The following PTPRG variants were observed in gnomAD, a reference collection of about 807,000 sequenced individuals.
PTPRG encodes the protein receptor-type tyrosine-protein phosphatase gamma.
PTPRG carries 102 observed loss-of-function variants against 165.3 expected under a neutral mutation model. The observed-to-expected ratio is 0.62, with a 90% CI of 0.53 to 0.73. The LOEUF (loss-of-function observed/expected upper bound fraction) is 0.73, where lower values mean the gene tolerates loss of function less well. PTPRG is among the 30% of genes least tolerant of loss of function. The pLI is 0.00. For missense variants in PTPRG, 1,866 were observed against 1,861.4 expected, an observed-to-expected ratio of 1.00 and a Z score of -0.05; for synonymous variants, 675 against 669.5, an observed-to-expected ratio of 1.01 and a Z score of -0.13.
chr3:61,655,413 T>C (rs948239271), intron 1 of PTPRG, among the ~76,000 whole-genome samples: 5 of 152,212 alleles, frequency 3.3e-5, no homozygotes, highest in Admixed American at 2.0e-4. Context: ...CTTATTCTTT[T>C]ATCATATGGT....
chr3:61,723,252 A>G (rs2032124007), intron 1 of PTPRG, among the ~76,000 whole-genome samples: 1 of 152,180 alleles, frequency 6.6e-6, no homozygotes, highest in Admixed American at 6.5e-5. Context: ...ATTTAAAGTC[A>G]TGGTGACTTT....
intron 2 of PTPRG, among the ~76,000 whole-genome samples, chr3:61,955,891 A>C (rs2107633154): frequency 6.6e-6 from 1 of 152,252 alleles, no homozygotes; most frequent in South Asian, 2.1e-4. Flanking sequence ...AGCACTGTGG[A>C]GTGTCAACAG....
chr3:61,625,261 C>T (rs918195251), intron 1 of PTPRG, among the ~76,000 whole-genome samples: 6 of 149,772 alleles, frequency 4.0e-5, no homozygotes, highest in East Asian at 2.0e-4. Context: ...ACAGTACATA[C>T]GTAACATTAT....
In PTPRG at chr3:61,997,491, A is replaced by G. The variant is rs117506202; in HGVS notation, c.371-5858A>G. 8.7e-4 allele frequency among the ~76,000 whole-genome samples: 133 copies of G among 152,188 alleles called. No homozygotes were observed. The East Asian group carries it at 0.024, about 27-fold the overall frequency. On this transcript the variant is annotated intron_variant, in intron 3 of 29. Coordinates refer to ENST00000474889, the MANE Select transcript of PTPRG (RefSeq NM_002841.4). ...TACTCGTTACCACTACCACAGGGCCATTGATTCTTTCTTGATGTTCTCCCA... is the reference window on the plus strand; with the variant it reads ...TACTCGTTACCACTACCACAGGGCCGTTGATTCTTTCTTGATGTTCTCCCA...
intron 2 of PTPRG, among the ~76,000 whole-genome samples, chr3:61,972,209 G>A (rs920780430): frequency 3.3e-5 from 5 of 152,232 alleles, no homozygotes; most frequent in East Asian, 1.9e-4. Context: ...GGTAGGCTGA[G>A]GACAGCAGAA....
At chr3:62,003,235 A>G (rs964582353) in intron 3 of PTPRG, 114 bp from the exon 4 acceptor site, 16 of 1,231,528 alleles carry the variant, frequency 1.3e-5, no homozygotes, top group East Asian at 9.5e-5. Flanking sequence ...TCATAGGTAC[A>G]TGAGGACATA....
intron 4 of PTPRG, among the ~76,000 whole-genome samples, chr3:62,049,059 G>T (rs7644421): frequency 0.23 from 35,221 of 151,718 alleles, 4,548 homozygotes; most frequent in African/African-American, 0.31. Context: ...CAACTTTGAA[G>T]TTGATAACCT....
chr3:61,914,522 C>T (rs2038884291), intron 2 of PTPRG, among the ~76,000 whole-genome samples: 1 of 152,166 alleles, frequency 6.6e-6, no homozygotes, highest in Admixed American at 6.5e-5. Context: ...TGCCTATGTC[C>T]TTGTTTTCAC....
intron 4 of PTPRG, among the ~76,000 whole-genome samples, chr3:62,006,526 A>G (rs2041302350): frequency 1.3e-5 from 2 of 152,194 alleles, no homozygotes; most frequent in African/African-American, 4.8e-5. Flanking sequence ...ACTAGAATGA[A>G]AGTAAGAAAA....
intron 4 of PTPRG, among the ~76,000 whole-genome samples, chr3:62,060,067 A>T (rs12492046): frequency 0.099 from 15,073 of 151,944 alleles, 962 homozygotes; most frequent in Admixed American, 0.2. Flanking sequence ...AAAATACAAA[A>T]ATTAGCTGGG....
intron 2 of PTPRG, among the ~76,000 whole-genome samples, chr3:61,910,534 G>A (rs894138264): frequency 6.6e-6 from 1 of 152,056 alleles, no homozygotes; most frequent in East Asian, 1.9e-4. Flanking sequence ...CCTGGATATT[G>A]CCTGTTCCAA....
intron 1 of PTPRG, among the ~76,000 whole-genome samples, chr3:61,666,899 T>A (rs984497629): frequency 6.6e-6 from 1 of 152,216 alleles, no homozygotes. Flanking sequence ...TGTTCAAAAA[T>A]GGTGTAGAAC....
At chr3:62,199,437 T>C (rs1576125460) in intron 10 of PTPRG, among the ~76,000 whole-genome samples, 1 of 150,548 alleles carries the variant, frequency 6.6e-6, no homozygotes, top group Non-Finnish European at 1.5e-5. Flanking sequence ...CTAAAGGGGG[T>C]GATGGACACT....
intron 2 of PTPRG, among the ~76,000 whole-genome samples, chr3:61,791,287 G>T (rs1395584621): frequency 6.6e-6 from 1 of 152,256 alleles, no homozygotes; most frequent in East Asian, 1.9e-4. Context: ...TCTTAGATTT[G>T]TCATTTAGGC....
In PTPRG at chr3:61,822,008, T is replaced by C. The variant is rs368739257; in HGVS notation, c.190+73026T>C. ...CATAGTAATCTATCTTCCTCCTTCATCATCAGGGATTAAGTAACTGCACCA... is the reference window on the plus strand; with the variant it reads ...CATAGTAATCTATCTTCCTCCTTCACCATCAGGGATTAAGTAACTGCACCA... On this transcript the variant is annotated intron_variant, in intron 2 of 29. Coordinates refer to ENST00000474889, the MANE Select transcript of PTPRG (RefSeq NM_002841.4). Among the ~76,000 whole-genome samples the C allele has an allele frequency of 6.6e-4, 100 of 152,370 alleles. 3 individuals carry two copies. The South Asian group carries it at 0.02, about 31-fold the overall frequency.
In PTPRG at chr3:62,105,011, A is replaced by G. The variant is rs150464571; in HGVS notation, c.615+26753A>G. ...TTTCCTAATTTCTTTGCAGTTTATT[A>G]TACAATAAAGAAATCATCATTACTT... On this transcript the variant is annotated intron_variant, in intron 5 of 29. Coordinates refer to ENST00000474889, the MANE Select transcript of PTPRG (RefSeq NM_002841.4). Among the ~76,000 whole-genome samples, 21 of 152,322 alleles carry G rather than the reference A, an allele frequency of 1.4e-4. No individual in the cohort carries two copies. The East Asian group carries it at 4.0e-3, about 29-fold the overall frequency.
At chr3:62,069,507 G>A (rs1280799537) in intron 4 of PTPRG, among the ~76,000 whole-genome samples, 3 of 152,170 alleles carry the variant, frequency 2.0e-5, no homozygotes, top group Non-Finnish European at 2.9e-5. Context: ...AAAAAGTAAC[G>A]GAGTTGCAAA....
intron 2 of PTPRG, among the ~76,000 whole-genome samples, chr3:61,784,200 A>G (rs2034627113): frequency 6.6e-6 from 1 of 152,182 alleles, no homozygotes; most frequent in East Asian, 1.9e-4. Flanking sequence ...CAGCGGGGCC[A>G]CACTCACAGG....
intron 6 of PTPRG, among the ~76,000 whole-genome samples, chr3:62,151,780 G>T (rs1341904371): frequency 6.6e-6 from 1 of 151,994 alleles, no homozygotes; most frequent in Non-Finnish European, 1.5e-5. Context: ...CACTGATCAG[G>T]ATGGGCATGG....
Sources: allele counts gnomAD v4.1 joint callset (sites outside exome capture counted in the v4.1 genomes callset), GRCh38; gene constraint gnomAD v4.1.1; transcripts MANE v1.5; gene names NCBI Gene and HGNC (gene_info 2026-07-23, HGNC 2026-07-21).